NKAIN2: variants seen among roughly 807,000 people sequenced by gnomAD.
NKAIN2 encodes sodium/potassium-transporting ATPase subunit beta-1-interacting protein 2.
Under a neutral mutation model 32.6 loss-of-function variants are expected in NKAIN2, and 14 were observed. The observed-to-expected ratio is 0.43, with a 90% CI of 0.28 to 0.67. The LOEUF is 0.67. NKAIN2 is among the 30% of genes least tolerant of loss of function. The pLI is 0.17. For missense variants in NKAIN2, 198 were observed against 258.3 expected (o/e 0.77, Z 1.60); for synonymous variants, 80 against 87.2 (o/e 0.92, Z 0.46).
chr6:124,151,641 T>C (rs1263147202), intron 1 of NKAIN2, among the ~76,000 whole-genome samples: 1 of 152,046 alleles, frequency 6.6e-6, no homozygotes, highest in Non-Finnish European at 1.5e-5. Context: ...ATGTGTGAGA[T>C]TTCTGGTTGT....
At chr6:124,653,852 C>T (rs1024174788) in intron 3 of NKAIN2, among the ~76,000 whole-genome samples, 1 of 151,988 alleles carries the variant, frequency 6.6e-6, no homozygotes, top group Non-Finnish European at 1.5e-5. Flanking sequence ...TCTTAAAACT[C>T]AATGATGAAA....
chr6:124,433,098 G>A (rs1315415643), intron 3 of NKAIN2, among the ~76,000 whole-genome samples: 2 of 152,154 alleles, frequency 1.3e-5, no homozygotes, highest in Non-Finnish European at 2.9e-5. Context: ...AATCGACTTT[G>A]GAGAAAACCT....
At chr6:123,982,700 A>C (rs1437393612) in intron 1 of NKAIN2, among the ~76,000 whole-genome samples, 1 of 152,186 alleles carries the variant, frequency 6.6e-6, no homozygotes, top group Non-Finnish European at 1.5e-5. Flanking sequence ...GTTACTGCAA[A>C]AAAAGGATAC....
intron 3 of NKAIN2, among the ~76,000 whole-genome samples, chr6:124,416,750 G>T (rs1774505200): frequency 6.6e-6 from 1 of 152,150 alleles, no homozygotes; most frequent in Admixed American, 6.5e-5. Flanking sequence ...CTGCCCCTGT[G>T]TGAATAGGGG....
chr6:124,021,000 A>G (rs1185977298), intron 1 of NKAIN2, among the ~76,000 whole-genome samples: 1 of 152,260 alleles, frequency 6.6e-6, no homozygotes, highest in East Asian at 1.9e-4. Context: ...TATGGAATAT[A>G]TAACCATCAC....
chr6:124,353,404 A>T (rs552451625), intron 2 of NKAIN2, among the ~76,000 whole-genome samples: 1 of 152,314 alleles, frequency 6.6e-6, no homozygotes, highest in South Asian at 2.1e-4. Context: ...CTTTTAAAAA[A>T]AATGATAGGT....
At chr6:124,584,055 G>A (rs6932959) in intron 3 of NKAIN2, among the ~76,000 whole-genome samples, 70,775 of 151,970 alleles carry the variant, frequency 0.47, 19,113 homozygotes, top group Non-Finnish European at 0.58. Flanking sequence ...ATAAAACATT[G>A]AGGAAACTCT....
chr6:124,572,808 C>T (rs949008529), intron 3 of NKAIN2, among the ~76,000 whole-genome samples: 1 of 151,778 alleles, frequency 6.6e-6, no homozygotes, highest in Non-Finnish European at 1.5e-5. Flanking sequence ...CAATTTAATT[C>T]TCATTTCTCC....
chr6:124,604,257 T>C (rs2114986247), intron 3 of NKAIN2, among the ~76,000 whole-genome samples: 1 of 152,094 alleles, frequency 6.6e-6, no homozygotes. Context: ...TTTTAAATTT[T>C]ACCCACTGAT....
At chr6:124,717,629 G>A (rs1775813864) in intron 4 of NKAIN2, among the ~76,000 whole-genome samples, 1 of 152,084 alleles carries the variant, frequency 6.6e-6, no homozygotes, top group Admixed American at 6.6e-5. Flanking sequence ...CTTAATATGT[G>A]TAGACATATT....
chr6:124,825,192 C>G lies in NKAIN2; in HGVS notation c.*1963C>G, dbSNP rs1403116404. On this transcript the variant is annotated 3_prime_UTR_variant, in exon 7 of 7. Coordinates refer to ENST00000368417, the MANE Select transcript of NKAIN2 (RefSeq NM_001040214.3). ...AATGTGACTATTAAAAATGAGGTTT[C>G]ACTGTACATTCATGCTGTGATGCGA... 2.0e-5 allele frequency: 3 copies of G among 152,570 alleles called. No individual in the cohort carries two copies. The highest frequency in any genetic ancestry group is 2.9e-5 in the Non-Finnish European group (2 of 68,024). 9.5% of individuals were successfully genotyped at this position (152,570 alleles called of 1,614,324 possible). A position where few individuals can be genotyped will look rare whatever the true frequency, so the allele number is the denominator to read the frequency against.
intron 3 of NKAIN2, among the ~76,000 whole-genome samples, chr6:124,362,817 A>T (rs1027820132): frequency 6.6e-6 from 1 of 152,154 alleles, no homozygotes; most frequent in African/African-American, 2.4e-5. Flanking sequence ...AAAATGAATA[A>T]AAAAGGAAAA....
chr6:124,260,085 G>A (rs1046263482), intron 1 of NKAIN2, among the ~76,000 whole-genome samples: 5 of 152,132 alleles, frequency 3.3e-5, no homozygotes, highest in African/African-American at 1.2e-4. Context: ...ACAAGCAAGT[G>A]CCTTCCATTA....
chr6:124,139,906 A>T (rs1372366717), intron 1 of NKAIN2, among the ~76,000 whole-genome samples: 1 of 152,202 alleles, frequency 6.6e-6, no homozygotes, highest in Non-Finnish European at 1.5e-5. Context: ...CAACCAAAAA[A>T]TGTGGCTAAA....
At chr6:124,400,759 G>A (rs577178329) in intron 3 of NKAIN2, among the ~76,000 whole-genome samples, 45 of 152,176 alleles carry the variant, frequency 3.0e-4, no homozygotes, top group Non-Finnish European at 5.7e-4. Flanking sequence ...ATGAAACAAA[G>A]CAAATTCTTG....
intron 3 of NKAIN2, among the ~76,000 whole-genome samples, chr6:124,365,559 A>C (rs917054609): frequency 2.0e-5 from 3 of 151,976 alleles, no homozygotes; most frequent in Non-Finnish European, 4.4e-5. Context: ...ATAGAATTAA[A>C]AGGAGAAATA....
At chr6:123,944,440 A>G (rs1380296604) in intron 1 of NKAIN2, among the ~76,000 whole-genome samples, 1 of 151,876 alleles carries the variant, frequency 6.6e-6, no homozygotes, top group Non-Finnish European at 1.5e-5. Context: ...TCCCCACCTC[A>G]TGTGTAGCCT....
intron 2 of NKAIN2, among the ~76,000 whole-genome samples, chr6:124,349,101 G>C (rs1295014487): frequency 6.6e-6 from 1 of 152,110 alleles, no homozygotes; most frequent in Non-Finnish European, 1.5e-5. Context: ...AAAAAACCGG[G>C]TTCTTATCAG....
At chr6:124,777,411 A>G (rs1159094047) in intron 4 of NKAIN2, among the ~76,000 whole-genome samples, 1 of 152,154 alleles carries the variant, frequency 6.6e-6, no homozygotes, top group African/African-American at 2.4e-5. Context: ...GTGACTTTGA[A>G]GAAGACTTTT....
Sources: gnomAD v4.1 joint callset for allele counts (sites outside exome capture counted in the v4.1 genomes callset) on GRCh38, gnomAD v4.1.1 for gene constraint, MANE v1.5 for transcripts, NCBI Gene and HGNC (gene_info 2026-07-23, HGNC 2026-07-21) for gene names.